Variants in NIPAL2 observed in about 807,000 individuals in gnomAD.
NIPAL2 encodes NIPA like domain containing 2, also known as NIPA-like protein 2.
In NIPAL2, 43 loss-of-function variants were observed where a neutral mutation model predicts 48.9. The ratio of observed to expected loss-of-function variants is 0.88; its 90% confidence interval spans 0.69 to 1.13. The LOEUF (loss-of-function observed/expected upper bound fraction) is 1.13, where lower values mean the gene tolerates loss of function less well. Ranked by LOEUF, NIPAL2 falls within the 50% of genes most tolerant of loss-of-function variation. The pLI, the probability that NIPAL2 is intolerant of heterozygous loss-of-function variation, is 0.00. For missense variants in NIPAL2, 446 were observed against 461.4 expected (o/e 0.97, Z 0.31); for synonymous variants, 167 against 174.6 (o/e 0.96, Z 0.34).
chr8:98,222,998 T>C (rs1448872250), intron 4 of NIPAL2, among the ~76,000 whole-genome samples: 3 of 152,154 alleles, frequency 2.0e-5, no homozygotes, highest in African/African-American at 7.2e-5. Context: ...TCTGTCTAGA[T>C]CTAGATGGCA....
At chr8:98,224,351 A>C (rs1192457755) in intron 4 of NIPAL2, among the ~76,000 whole-genome samples, 3 of 152,130 alleles carry the variant, frequency 2.0e-5, no homozygotes, top group Non-Finnish European at 4.4e-5. Flanking sequence ...TTTTTACATA[A>C]ATAATTGCGT....
chr8:98,212,977 A>T (rs1035531064), intron 5 of NIPAL2, among the ~76,000 whole-genome samples: 7 of 152,122 alleles, frequency 4.6e-5, no homozygotes, highest in Non-Finnish European at 1.0e-4. Flanking sequence ...CTCATCTCTG[A>T]TTTTACTCTT....
intron 1 of NIPAL2, among the ~76,000 whole-genome samples, chr8:98,279,882 C>T (rs1049537976): frequency 4.6e-5 from 7 of 152,150 alleles, no homozygotes; most frequent in African/African-American, 1.7e-4. Context: ...ACCACTGCAG[C>T]GTAATTTCTG....
intron 3 of NIPAL2, among the ~76,000 whole-genome samples, chr8:98,240,498 T>TG (rs1374640748): frequency 6.6e-6 from 1 of 151,952 alleles, no homozygotes; most frequent in Non-Finnish European, 1.5e-5. Context: ...TTATAAAATG[T>TG]GACACCCTTT....
intron 1 of NIPAL2, among the ~76,000 whole-genome samples, chr8:98,258,045 C>T (rs1381665994): frequency 1.3e-5 from 2 of 152,220 alleles, no homozygotes; most frequent in East Asian, 1.9e-4. Flanking sequence ...ATATTTGGCT[C>T]AGAATAAATC....
At position 98,217,055 on chromosome 8, in the gene NIPAL2, A is replaced by C. The variant is rs1811613790; in HGVS notation, c.559-4554T>G. Reference sequence around the variant, plus strand: ...CTTTCTCACCTAGTTTGACCTTGAAAACTCCACTCCTCTTTGCATTTTGGC... The same window carrying C: ...CTTTCTCACCTAGTTTGACCTTGAACACTCCACTCCTCTTTGCATTTTGGC... On this transcript the variant is annotated intron_variant, in intron 5 of 10. Coordinates refer to ENST00000430223, the MANE Select transcript of NIPAL2 (RefSeq NM_001321635.2). 3.0e-6 allele frequency: 3 copies of C among 985,278 alleles called. No individual in the cohort carries two copies. In the African/African-American group the frequency reaches 5.2e-5, roughly 17 times the overall value. 61.0% of individuals were successfully genotyped at this position (985,278 alleles called of 1,614,324 possible).
Position 98,254,039 on chromosome 8 carries a change from T to C in NIPAL2, c.184A>G (p.Ser62Gly), listed in dbSNP as rs1412267696. The change falls in exon 2 of 11, where the codon AGT becomes GGT. Residue 62 changes from serine to glycine, a missense_variant. By Grantham distance (56) the Ser-to-Gly change is moderately conservative. Transcript: ENST00000430223. Reference sequence around the variant, plus strand: ...CTTACCTGAATATTTAGAGAAATACTGATCACCAAGTTTCCTAAAATAGCC... The same window carrying C: ...CTTACCTGAATATTTAGAGAAATACCGATCACCAAGTTTCCTAAAATAGCC... ...LLAILGNLVI[S>G]ISLNIQKYSH... is the part of the protein sequence containing the mutation. The C allele has an allele frequency of 6.2e-6, 10 of 1,610,630 alleles. No homozygotes were observed. The highest frequency in any genetic ancestry group is 7.6e-6 in the Non-Finnish European group (9 of 1,177,828).
At position 98,258,851 on chromosome 8, in the gene NIPAL2, T is replaced by A. The variant is rs576319019; in HGVS notation, c.136-4764A>T. On this transcript the variant is annotated intron_variant, in intron 1 of 10. Coordinates refer to ENST00000430223, the MANE Select transcript of NIPAL2 (RefSeq NM_001321635.2). ...AGATTCTTTGAATCTGCTGTGATTC[T>A]GGGGGCTGCCCGACTCCTGAATCAT... Among the ~76,000 whole-genome samples, 5 of 152,202 alleles carry A rather than the reference T, an allele frequency of 3.3e-5. No homozygotes were observed. In the South Asian group the frequency reaches 6.2e-4, roughly 19 times the overall value.
chr8:98,293,831 G>A (rs1310529667), intron 1 of NIPAL2, among the ~76,000 whole-genome samples, 172 bp downstream of exon 1: 3 of 152,226 alleles, frequency 2.0e-5, no homozygotes, highest in African/African-American at 7.2e-5. Context: ...GCTTCCGGAT[G>A]AGGCGGACTT....
chr8:98,214,790 C>T (rs1449313612), intron 5 of NIPAL2, among the ~76,000 whole-genome samples: 2 of 152,110 alleles, frequency 1.3e-5, no homozygotes, highest in African/African-American at 4.8e-5. Context: ...TTTGTCTTTT[C>T]TTCTCCGGGT....
chr8:98,197,772 A>C (rs1218681900), intron 8 of NIPAL2, among the ~76,000 whole-genome samples: 1 of 152,188 alleles, frequency 6.6e-6, no homozygotes, highest in Non-Finnish European at 1.5e-5. Context: ...TTGATTATGA[A>C]GTTGTAGCAG....
At chr8:98,205,581 C>A (rs969339868) in intron 6 of NIPAL2, among the ~76,000 whole-genome samples, 4 of 151,442 alleles carry the variant, frequency 2.6e-5, no homozygotes, top group Non-Finnish European at 5.9e-5. Context: ...AAGGCAAAAA[C>A]AATGGAGGGA....
At chr8:98,239,130 G>A (rs2514327) in intron 3 of NIPAL2, among the ~76,000 whole-genome samples, 9,099 of 152,262 alleles carry the variant, frequency 0.06, 371 homozygotes, top group Middle Eastern at 0.14. Context: ...ATTATAGTAA[G>A]AAGGGAAACA....
At chr8:98,220,031 G>A (rs1811772252) in intron 5 of NIPAL2, among the ~76,000 whole-genome samples, 1 of 151,910 alleles carries the variant, frequency 6.6e-6, no homozygotes, top group Non-Finnish European at 1.5e-5. Flanking sequence ...GGGGTGTGTA[G>A]TGTATGAGAA....
At chr8:98,262,935 A>G (rs1396320533) in intron 1 of NIPAL2, among the ~76,000 whole-genome samples, 2 of 150,712 alleles carry the variant, frequency 1.3e-5, no homozygotes, top group East Asian at 1.9e-4. Flanking sequence ...TATCTCTCAG[A>G]CCACAGTGCA....
At chr8:98,212,647 A>G in intron 5 of NIPAL2, 146 bp from the exon 6 acceptor site, 1 of 546,496 alleles carries the variant, frequency 1.8e-6, no homozygotes, top group South Asian at 2.4e-5. Flanking sequence ...GAGCAGTATA[A>G]GCACCTCGGC....
At chr8:98,221,265 C>G (rs944184275) in intron 5 of NIPAL2, among the ~76,000 whole-genome samples, 2 of 151,858 alleles carry the variant, frequency 1.3e-5, no homozygotes, top group Non-Finnish European at 2.9e-5. Context: ...CGTGAGCCAC[C>G]GTGCCCAGCC....
At chr8:98,216,135 A>G (rs764286028) in intron 5 of NIPAL2, among the ~76,000 whole-genome samples, 11 of 152,218 alleles carry the variant, frequency 7.2e-5, no homozygotes, top group Non-Finnish European at 1.6e-4. Flanking sequence ...CTCTAAGGCC[A>G]TGTTTGGACA....
In NIPAL2 at chr8:98,205,045, A is replaced by G; in HGVS notation, c.791+66T>C. The G allele has an allele frequency of 4.6e-6, 7 of 1,525,778 alleles. No individual in the cohort carries two copies. The South Asian group carries it at 8.0e-5, about 17-fold the overall frequency. 94.5% of individuals were successfully genotyped at this position (1,525,778 alleles called of 1,614,324 possible). On this transcript the variant is annotated intron_variant, in intron 7 of 10. Transcript: ENST00000430223. ...ATTTTAATTATCATCTGAAGCCAGTAAAGATTAATGCCCAGAGAAGCACCG... is the reference window on the plus strand; with the variant it reads ...ATTTTAATTATCATCTGAAGCCAGTGAAGATTAATGCCCAGAGAAGCACCG...
Sources: gnomAD v4.1 joint callset for allele counts (sites outside exome capture counted in the v4.1 genomes callset) on GRCh38, gnomAD v4.1.1 for gene constraint, MANE v1.5 for transcripts, NCBI Gene and HGNC (gene_info 2026-07-23, HGNC 2026-07-21) for gene names.